The following UBE2R2 variants were observed in gnomAD, a reference collection of about 807,000 sequenced individuals.
UBE2R2 encodes ubiquitin-conjugating enzyme E2 R2.
In UBE2R2, 1 loss-of-function variant was observed where a neutral mutation model predicts 27.8. That is an observed-to-expected ratio of 0.04 (90% CI 0.01 to 0.17). UBE2R2 has a LOEUF of 0.17. UBE2R2 is among the 10% of genes least tolerant of loss of function. The probability of loss-of-function intolerance (pLI) is 1.00; values close to 1 mark genes in which losing one functional copy is unlikely to be tolerated. For missense variants in UBE2R2, 100 were observed against 291.0 expected (o/e 0.34, Z 4.78); for synonymous variants, 106 against 113.3 (o/e 0.94, Z 0.41).
intron 2 of UBE2R2, among the ~76,000 whole-genome samples, chr9:33,899,588 T>G (rs1048657279): frequency 6.6e-6 from 1 of 152,228 alleles, no homozygotes; most frequent in African/African-American, 2.4e-5. Flanking sequence ...TTGTTCAGGC[T>G]GGTCTCGAAC....
intron 1 of UBE2R2, among the ~76,000 whole-genome samples, chr9:33,849,949 A>G (rs913664256): frequency 2.0e-5 from 3 of 152,134 alleles, no homozygotes; most frequent in Non-Finnish European, 4.4e-5. Flanking sequence ...GAGTTGTCCA[A>G]GGTTTCAGTG....
chr9:33,906,079 TTTG>T lies in UBE2R2; in HGVS notation c.362+5822_362+5824del, dbSNP rs946800085. 2.6e-4 allele frequency among the ~76,000 whole-genome samples: 39 copies of T among 151,504 alleles called. 1 individual carries two copies. The highest frequency in any genetic ancestry group is 7.8e-4 in the East Asian group (4 of 5,120). The stretch of plus-strand genomic sequence containing the variant: ...ATTATGGCGTGAAGTAAGTTCAGGT[TTTG>T]TTGTTGTTGTTGTCGTCGTCGTCGT... On this transcript the variant is annotated intron_variant, in intron 3 of 4. Coordinates refer to ENST00000263228, the MANE Select transcript of UBE2R2 (RefSeq NM_017811.4).
intron 3 of UBE2R2, among the ~76,000 whole-genome samples, chr9:33,904,016 G>A (rs541795772): frequency 6.6e-6 from 1 of 152,280 alleles, no homozygotes; most frequent in Non-Finnish European, 1.5e-5. Flanking sequence ...TTCGGGGGCT[G>A]TGGGATGTTT....
chr9:33,838,717 C>T (rs943294299), intron 1 of UBE2R2, among the ~76,000 whole-genome samples: 1 of 152,134 alleles, frequency 6.6e-6, no homozygotes, highest in South Asian at 2.1e-4. Context: ...TTACCTCCTT[C>T]TTGTCCTTTG....
intron 1 of UBE2R2, among the ~76,000 whole-genome samples, chr9:33,840,534 G>T (rs1820709448): frequency 6.6e-6 from 1 of 152,010 alleles, no homozygotes; most frequent in South Asian, 2.1e-4. Flanking sequence ...TTGCAAATTG[G>T]TTACTGAACT....
intron 1 of UBE2R2, among the ~76,000 whole-genome samples, chr9:33,879,419 C>A (rs1821682710): frequency 1.3e-5 from 2 of 152,146 alleles, no homozygotes; most frequent in African/African-American, 4.8e-5. Context: ...TTTCATGCAG[C>A]ACTGCAAAGA....
chr9:33,816,716 T>G (rs1373713432), upstream of UBE2R2, among the ~76,000 whole-genome samples: 3 of 152,162 alleles, frequency 2.0e-5, no homozygotes, highest in Admixed American at 6.5e-5. Flanking sequence ...GACCGCAGAC[T>G]GGGTGTCACG....
intron 2 of UBE2R2, among the ~76,000 whole-genome samples, chr9:33,891,004 G>A (rs1276232268): frequency 6.6e-6 from 1 of 151,340 alleles, no homozygotes; most frequent in East Asian, 2.0e-4. Flanking sequence ...GACCCCATCT[G>A]GCCAAAAATA....
chr9:33,833,231 A>T (rs1243362725), intron 1 of UBE2R2, among the ~76,000 whole-genome samples: 1 of 151,582 alleles, frequency 6.6e-6, no homozygotes, highest in African/African-American at 2.4e-5. Flanking sequence ...TGCCTGGCTA[A>T]TTTTTTTTTA....
intron 3 of UBE2R2, among the ~76,000 whole-genome samples, chr9:33,911,118 CA>C (rs1441246412): frequency 1.1e-4 from 17 of 149,548 alleles, no homozygotes; most frequent in African/African-American, 3.9e-4. Flanking sequence ...CAAAACAAAA[CA>C]AAAAAACGGC....
At chr9:33,899,366 ATT>A (rs1465757722) in intron 2 of UBE2R2, among the ~76,000 whole-genome samples, 4 of 151,634 alleles carry the variant, frequency 2.6e-5, no homozygotes, top group Admixed American at 1.3e-4. Flanking sequence ...CGCCCGGCTA[ATT>A]TTTGTCTTTT....
chr9:33,824,412 G>A (rs958034364), intron 1 of UBE2R2, among the ~76,000 whole-genome samples: 28 of 152,034 alleles, frequency 1.8e-4, no homozygotes, highest in Admixed American at 5.3e-4. Flanking sequence ...CGAGGCGGGC[G>A]GATCACGAGG....
At chr9:33,861,266 G>A (rs1353873721) in intron 1 of UBE2R2, among the ~76,000 whole-genome samples, 2 of 149,340 alleles carry the variant, frequency 1.3e-5, no homozygotes, top group African/African-American at 4.9e-5. Flanking sequence ...GGCCAACCTT[G>A]TGTTAAGTTT....
At chr9:33,819,101 T>C (rs895341177) in intron 1 of UBE2R2, among the ~76,000 whole-genome samples, 1 of 152,208 alleles carries the variant, frequency 6.6e-6, no homozygotes, top group Non-Finnish European at 1.5e-5. Flanking sequence ...TGCTTAGGAA[T>C]CCATTTAGTT....
rs535085884 is a variant in UBE2R2 at position 33,854,387 on chromosome 9, T to G, written c.178-32494T>G. Among the ~76,000 whole-genome samples the G allele has an allele frequency of 6.9e-4, 105 of 152,022 alleles. 1 individual carries two copies. The Middle Eastern group carries it at 0.014, about 20-fold the overall frequency. On this transcript the variant is annotated intron_variant, in intron 1 of 4. Coordinates refer to ENST00000263228, the MANE Select transcript of UBE2R2 (RefSeq NM_017811.4). The stretch of plus-strand genomic sequence containing the variant: ...CAGGCTGGAGTGCAATGGTACAATC[T>G]CAGCTCACTGCAACTTCCGCCTCCT...
intron 3 of UBE2R2, among the ~76,000 whole-genome samples, chr9:33,907,008 G>C (rs879502312): frequency 6.6e-6 from 1 of 152,218 alleles, no homozygotes; most frequent in Non-Finnish European, 1.5e-5. Context: ...TGGAGCCTGG[G>C]GGCCGGGTGA....
intron 1 of UBE2R2, among the ~76,000 whole-genome samples, chr9:33,828,737 G>GTT (rs111302398): frequency 6.9e-6 from 1 of 145,926 alleles, no homozygotes; most frequent in Non-Finnish European, 1.5e-5. Context: ...AATTTTTGTA[G>GTT]TTTTTTTTTT....
chr9:33,823,614 G>T (rs920944220), intron 1 of UBE2R2, among the ~76,000 whole-genome samples: 1 of 152,012 alleles, frequency 6.6e-6, no homozygotes, highest in African/African-American at 2.4e-5. Context: ...GACCTCAGAT[G>T]ATCTACCCGC....
chr9:33,840,314 C>G (rs1820703770), intron 1 of UBE2R2, among the ~76,000 whole-genome samples: 1 of 152,142 alleles, frequency 6.6e-6, no homozygotes, highest in Non-Finnish European at 1.5e-5. Flanking sequence ...CTCTCTCAGT[C>G]ATTTCCTTTT....
Sources: gnomAD v4.1 joint callset for allele counts (sites outside exome capture counted in the v4.1 genomes callset) on GRCh38, gnomAD v4.1.1 for gene constraint, MANE v1.5 for transcripts, NCBI Gene and HGNC (gene_info 2026-07-23, HGNC 2026-07-21) for gene names.